Variants in SPAG16 observed in about 807,000 individuals in gnomAD.
SPAG16 encodes sperm associated antigen 16, also known as sperm-associated antigen 16 protein.
SPAG16 carries 86 observed loss-of-function variants against 80.4 expected under a neutral mutation model. The observed-to-expected ratio is 1.07, with a 90% CI of 0.90 to 1.28. SPAG16 has a LOEUF of 1.28. Among genes scored for constraint, SPAG16 ranks in the 50% most tolerant of loss-of-function variants. The pLI is 0.00. For missense variants in SPAG16, 870 were observed against 765.3 expected (o/e 1.14, Z -1.61); for synonymous variants, 294 against 265.9 (o/e 1.11, Z -1.03).
At chr2:214,198,437 A>G (rs1453318705) in intron 15 of SPAG16, among the ~76,000 whole-genome samples, 2 of 152,046 alleles carry the variant, frequency 1.3e-5, no homozygotes, top group African/African-American at 4.8e-5. Context: ...ATATTATTTC[A>G]TTCTTTTTTT....
At chr2:213,746,121 G>T (rs758754030) in intron 10 of SPAG16, among the ~76,000 whole-genome samples, 5 of 152,086 alleles carry the variant, frequency 3.3e-5, no homozygotes, top group Admixed American at 6.6e-5. Context: ...TCTGACCCCT[G>T]GCATATTTTT....
Position 214,014,008 on chromosome 2 carries a change from T to G in SPAG16, c.1458T>G (p.Phe486Leu), listed in dbSNP as rs1018886285. The G allele has an allele frequency of 6.2e-7, 1 of 1,613,532 alleles. No homozygotes were observed. Among genetic ancestry groups the G allele is most frequent in the Non-Finnish European group, 8.5e-7 (1 of 1,179,786 alleles). The part of the protein sequence containing the change: ...GHTDSVNSIE[F>L]FPFSNTLLTS... ...CAGATTCTGTGAACAGCATTGAGTTTTTTCCTTTCTCCAATACTCTTCTCA... is the reference window on the plus strand; with the variant it reads ...CAGATTCTGTGAACAGCATTGAGTTGTTTCCTTTCTCCAATACTCTTCTCA... The change falls in exon 13 of 16, where the codon TTT becomes TTG. Residue 486 changes from phenylalanine to leucine, a missense_variant. Phe to Leu is a conservative substitution (Grantham distance 22, BLOSUM62 0). Coordinates refer to ENST00000331683, the MANE Select transcript of SPAG16 (RefSeq NM_024532.5).
chr2:213,307,447 T>C (rs1362842844), intron 3 of SPAG16, among the ~76,000 whole-genome samples: 8 of 142,430 alleles, frequency 5.6e-5, no homozygotes, highest in African/African-American at 1.8e-4. Flanking sequence ...TGAGTGAGAA[T>C]ATGCGGTGTT....
chr2:213,904,991 G>A (rs6750135), intron 11 of SPAG16, among the ~76,000 whole-genome samples: 88,891 of 152,008 alleles, frequency 0.58, 27,818 homozygotes, highest in South Asian at 0.84. Context: ...TCAGGTTTCT[G>A]TATTGAAAAT....
At chr2:214,319,225 A>ACACACACACACACACAC (rs1189650614) in intron 15 of SPAG16, among the ~76,000 whole-genome samples, 43 of 20,198 alleles carry the variant, frequency 2.1e-3, no homozygotes, top group African/African-American at 3.5e-3. Flanking sequence ...CACACACACA[A>ACACACACACACACACAC]GAAGTGTAGA....
intron 11 of SPAG16, among the ~76,000 whole-genome samples, chr2:213,881,399 A>C (rs1182055611): frequency 6.6e-6 from 1 of 152,214 alleles, no homozygotes; most frequent in South Asian, 2.1e-4. Flanking sequence ...ATGTAGGATC[A>C]TATAGTCAGT....
chr2:214,133,521 A>T (rs1012307070), intron 14 of SPAG16, among the ~76,000 whole-genome samples: 20 of 151,902 alleles, frequency 1.3e-4, no homozygotes, highest in Admixed American at 1.2e-3. Context: ...TCCAGGCGTG[A>T]TGATGCATGC....
intron 9 of SPAG16, among the ~76,000 whole-genome samples, chr2:213,449,031 C>A (rs898706153): frequency 5.3e-5 from 8 of 152,112 alleles, no homozygotes; most frequent in African/African-American, 1.9e-4. Flanking sequence ...TCATCAAATT[C>A]TTTTCCTAGC....
At chr2:214,342,454 T>C (rs1697771058) in intron 15 of SPAG16, among the ~76,000 whole-genome samples, 1 of 152,162 alleles carries the variant, frequency 6.6e-6, no homozygotes, top group South Asian at 2.1e-4. Context: ...GGAACCCTAT[T>C]GTGAACTGCC....
intron 9 of SPAG16, among the ~76,000 whole-genome samples, chr2:213,376,296 C>G (rs2066878917): frequency 6.6e-6 from 1 of 151,918 alleles, no homozygotes. Flanking sequence ...GATTCATTCA[C>G]TCAGTGCTTA....
chr2:213,445,924 C>CCTG (rs2071280951), intron 9 of SPAG16, among the ~76,000 whole-genome samples: 2 of 152,112 alleles, frequency 1.3e-5, no homozygotes, highest in South Asian at 4.1e-4. Flanking sequence ...ACCAGAGAAC[C>CCTG]AAGCTGCAGA....
At chr2:213,664,606 C>A (rs1301932244) in intron 10 of SPAG16, among the ~76,000 whole-genome samples, 1 of 151,860 alleles carries the variant, frequency 6.6e-6, no homozygotes, top group African/African-American at 2.4e-5. Context: ...CTAGTTTTTT[C>A]CTTTTTCTTT....
At chr2:213,791,500 G>A in intron 10 of SPAG16, among the ~76,000 whole-genome samples, 1 of 151,972 alleles carries the variant, frequency 6.6e-6, no homozygotes, top group East Asian at 1.9e-4. Context: ...TTTGACAACA[G>A]CTTAAAGGAT....
At chr2:214,004,935 A>G (rs2046961618) in intron 12 of SPAG16, among the ~76,000 whole-genome samples, 4 of 152,212 alleles carry the variant, frequency 2.6e-5, no homozygotes, top group African/African-American at 9.6e-5. Flanking sequence ...GAAATCACAA[A>G]TAATGAGGGT....
At chr2:213,560,278 T>G (rs572065290) in intron 10 of SPAG16, among the ~76,000 whole-genome samples, 1 of 152,182 alleles carries the variant, frequency 6.6e-6, no homozygotes, top group Non-Finnish European at 1.5e-5. Flanking sequence ...TATTTCTTAT[T>G]TGGGAAAAGA....
rs143554566 is a variant in SPAG16 at position 213,452,396 on chromosome 2, A to G, written c.943-37567A>G. Among the ~76,000 whole-genome samples, 19 of 152,234 alleles carry G rather than the reference A, an allele frequency of 1.2e-4. No homozygotes were observed. The East Asian group carries it at 2.7e-3, about 22-fold the overall frequency. On this transcript the variant is annotated intron_variant, in intron 9 of 15. Coordinates refer to ENST00000331683, the MANE Select transcript of SPAG16 (RefSeq NM_024532.5). ...TCAAAGCCATCCTTGTTGCTCCTCT[A>G]CATCCCTCACTCTATATCCAATTTA...
At chr2:214,013,185 T>TA (rs1008625634) in intron 12 of SPAG16, among the ~76,000 whole-genome samples, 2 of 151,552 alleles carry the variant, frequency 1.3e-5, no homozygotes, top group Non-Finnish European at 2.9e-5. Flanking sequence ...TTGTCTTTTT[T>TA]TTTTTTTTTT....
chr2:213,821,541 C>A (rs1372610486), intron 10 of SPAG16, among the ~76,000 whole-genome samples: 2 of 152,066 alleles, frequency 1.3e-5, no homozygotes, highest in Non-Finnish European at 2.9e-5. Flanking sequence ...AAGCCTTCAT[C>A]TTTTGTGTTA....
chr2:213,474,973 T>C (rs936989990), intron 9 of SPAG16, among the ~76,000 whole-genome samples: 1 of 152,212 alleles, frequency 6.6e-6, no homozygotes, highest in African/African-American at 2.4e-5. Context: ...ACACATGTCA[T>C]CATTGGGGTC....
Sources: allele counts gnomAD v4.1 joint callset (sites outside exome capture counted in the v4.1 genomes callset), GRCh38; gene constraint gnomAD v4.1.1; transcripts MANE v1.5; gene names NCBI Gene and HGNC (gene_info 2026-07-23, HGNC 2026-07-21).